STXBP5L: variants seen among roughly 807,000 people sequenced by gnomAD.
STXBP5L encodes the protein syntaxin-binding protein 5-like.
In STXBP5L, 65 loss-of-function variants were observed where a neutral mutation model predicts 144.5. That is an observed-to-expected ratio of 0.45 (90% CI 0.37 to 0.55). The LOEUF (loss-of-function observed/expected upper bound fraction) is 0.55, where lower values mean the gene tolerates loss of function less well. Among genes scored for constraint, STXBP5L ranks in the 20% least tolerant of loss-of-function variants. STXBP5L has a pLI of 0.00. For synonymous variants in STXBP5L, 505 were observed against 469.6 expected (o/e 1.08, Z -0.97); for missense variants, 1,298 against 1,405.5 (o/e 0.92, Z 1.22).
At chr3:121,282,691 T>C (rs1309941473) in intron 19 of STXBP5L, among the ~76,000 whole-genome samples, 1 of 151,980 alleles carries the variant, frequency 6.6e-6, no homozygotes, top group African/African-American at 2.4e-5. Context: ...AGTAATAAGT[T>C]AATGCTTTCT....
rs560712367 is a variant in STXBP5L at position 121,162,431 on chromosome 3, A to G, written c.877+4804A>G. ...TATAAAAATCAACTCAAGGTGGATT[A>G]AAGACTTAAACGTAAGACCTAAAAC... On this transcript the variant is annotated intron_variant, in intron 9 of 26. Coordinates refer to ENST00000471454, the MANE Select transcript of STXBP5L (RefSeq NM_001308330.2). Among the ~76,000 whole-genome samples, 342 of 152,346 alleles carry G rather than the reference A, an allele frequency of 2.2e-3. 2 individuals carry two copies. Among genetic ancestry groups the G allele is most frequent in the Non-Finnish European group, 3.8e-3 (261 of 68,030 alleles).
At position 121,137,069 on chromosome 3, in the gene STXBP5L, C is replaced by T. The variant is rs547784918; in HGVS notation, c.669+15365C>T. ...AAGAAGGGAACAGTAGACACTGGTG[C>T]CTATTTTAGGGTGGAGGGTGGGAGG... On this transcript the variant is annotated intron_variant, in intron 7 of 26. Transcript: ENST00000471454. Among the ~76,000 whole-genome samples the T allele has an allele frequency of 4.6e-5, 7 of 152,186 alleles. No homozygotes were observed. In the South Asian group the frequency reaches 1.2e-3, roughly 27 times the overall value.
intron 5 of STXBP5L, among the ~76,000 whole-genome samples, chr3:121,090,296 CATCTT>C (rs1467453941): frequency 6.6e-6 from 1 of 152,050 alleles, no homozygotes; most frequent in Non-Finnish European, 1.5e-5. Context: ...AACTCACTGA[CATCTT>C]AGATAGGGAG....
chr3:121,225,823 A>G (rs2049105617), intron 11 of STXBP5L, among the ~76,000 whole-genome samples: 1 of 152,212 alleles, frequency 6.6e-6, no homozygotes, highest in Non-Finnish European at 1.5e-5. Flanking sequence ...GCCAAATTAT[A>G]CAAATGTTTT....
At chr3:121,009,985 G>A (rs1228506427) in intron 3 of STXBP5L, among the ~76,000 whole-genome samples, 1 of 151,822 alleles carries the variant, frequency 6.6e-6, no homozygotes, top group African/African-American at 2.4e-5. Context: ...CATGCTAGAG[G>A]CTATGTTGAC....
chr3:121,268,009 A>G (rs1413733913), intron 18 of STXBP5L, among the ~76,000 whole-genome samples: 2 of 152,168 alleles, frequency 1.3e-5, no homozygotes, highest in Non-Finnish European at 1.5e-5. Context: ...GCGATTCCTC[A>G]AGGATCTCAA....
chr3:121,037,029 C>A (rs2107532010), intron 3 of STXBP5L, among the ~76,000 whole-genome samples: 1 of 152,090 alleles, frequency 6.6e-6, no homozygotes, highest in Non-Finnish European at 1.5e-5. Context: ...TGGGCTCAGG[C>A]AATCCTCCCA....
chr3:121,290,914 C>A (rs2051415922), intron 19 of STXBP5L, among the ~76,000 whole-genome samples: 1 of 152,050 alleles, frequency 6.6e-6, no homozygotes, highest in Non-Finnish European at 1.5e-5. Flanking sequence ...GTAATAAAAG[C>A]CATCTATGAC....
chr3:121,317,431 G>A (rs1202569760), intron 19 of STXBP5L, among the ~76,000 whole-genome samples: 2 of 152,136 alleles, frequency 1.3e-5, no homozygotes, highest in East Asian at 3.9e-4. Flanking sequence ...TTGTCACAAG[G>A]CACCTTTTGG....
chr3:120,991,007 G>T (rs1215082023), intron 3 of STXBP5L, among the ~76,000 whole-genome samples: 2 of 152,124 alleles, frequency 1.3e-5, no homozygotes, highest in African/African-American at 2.4e-5. Context: ...AAGAGCTTCT[G>T]CACAGCAAAA....
intron 3 of STXBP5L, among the ~76,000 whole-genome samples, chr3:120,960,958 T>C (rs1380118664): frequency 6.6e-6 from 1 of 152,156 alleles, no homozygotes; most frequent in African/African-American, 2.4e-5. Context: ...TGGGATTTTC[T>C]TTGGTGAAAG....
intron 9 of STXBP5L, among the ~76,000 whole-genome samples, chr3:121,198,551 C>T (rs2048011298): frequency 6.6e-6 from 1 of 152,144 alleles, no homozygotes; most frequent in Non-Finnish European, 1.5e-5. Flanking sequence ...GTCATGAAGT[C>T]TTTGCCCATG....
chr3:121,043,438 C>T (rs1038767335), intron 4 of STXBP5L, among the ~76,000 whole-genome samples: 1 of 151,674 alleles, frequency 6.6e-6, no homozygotes, highest in African/African-American at 2.4e-5. Flanking sequence ...TGGCCGGGCG[C>T]GGTGGCTCAC....
Position 121,004,346 on chromosome 3 carries a change from CTGTT to C in STXBP5L, c.288-37350_288-37347del, listed in dbSNP as rs1382453830. 5.3e-5 allele frequency among the ~76,000 whole-genome samples: 8 copies of C among 152,114 alleles called. No individual in the cohort carries two copies. In the South Asian group the frequency reaches 1.7e-3, roughly 32 times the overall value. The stretch of plus-strand genomic sequence containing the variant: ...GGGAGTTCACTCATGATTTGGCTCT[CTGTT>C]TGTCTGTTATTGGTGTATAAGAATG... On this transcript the variant is annotated intron_variant, in intron 3 of 26. Coordinates refer to ENST00000471454, the MANE Select transcript of STXBP5L (RefSeq NM_001308330.2).
At chr3:121,351,531 G>C (rs1433669732) in intron 20 of STXBP5L, among the ~76,000 whole-genome samples, 2 of 152,070 alleles carry the variant, frequency 1.3e-5, no homozygotes, top group African/African-American at 4.8e-5. Flanking sequence ...ACTTTTTGAT[G>C]GGGTTGTTTG....
chr3:121,285,352 T>G (rs189898387), intron 19 of STXBP5L, among the ~76,000 whole-genome samples: 1 of 152,236 alleles, frequency 6.6e-6, no homozygotes, highest in African/African-American at 2.4e-5. Flanking sequence ...ACACTAAAAT[T>G]ACTCGATAGG....
intron 18 of STXBP5L, among the ~76,000 whole-genome samples, chr3:121,270,126 T>G (rs778909650): frequency 6.6e-6 from 1 of 152,102 alleles, no homozygotes; most frequent in Non-Finnish European, 1.5e-5. Context: ...ATATGAGTAG[T>G]CACTCATATT....
intron 2 of STXBP5L, among the ~76,000 whole-genome samples, chr3:120,937,183 T>C (rs977478957): frequency 6.6e-6 from 1 of 152,190 alleles, no homozygotes; most frequent in African/African-American, 2.4e-5. Context: ...TAGTTTCCAC[T>C]AGTTTTAAGT....
chr3:121,370,645 G>T (rs2046002707), intron 20 of STXBP5L, among the ~76,000 whole-genome samples: 1 of 152,336 alleles, frequency 6.6e-6, no homozygotes, highest in East Asian at 1.9e-4. Context: ...AAATGCCAAT[G>T]AGTCATAGAT....
Sources: allele counts gnomAD v4.1 joint callset (sites outside exome capture counted in the v4.1 genomes callset), GRCh38; gene constraint gnomAD v4.1.1; transcripts MANE v1.5; gene names NCBI Gene and HGNC (gene_info 2026-07-23, HGNC 2026-07-21).